TMEM217: variants seen among roughly 807,000 people sequenced by gnomAD.
TMEM217 encodes the protein transmembrane protein 217.
For synonymous variants in TMEM217, 76 were observed against 88.3 expected, an observed-to-expected ratio of 0.86 and a Z score of 0.78; for missense variants, 204 against 248.8, an observed-to-expected ratio of 0.82 and a Z score of 1.21.
At chr6:37,255,406 G>A (rs143351000) in intron 1 of TMEM217, among the ~76,000 whole-genome samples, 2,376 of 152,226 alleles carry the variant, frequency 0.016, 50 homozygotes, top group Middle Eastern at 0.044. Flanking sequence ...TCTGGGCAGG[G>A]TGCGATGGCT....
chr6:37,239,689 G>T (rs1764667601), intron 1 of TMEM217, among the ~76,000 whole-genome samples: 1 of 151,992 alleles, frequency 6.6e-6, no homozygotes, highest in Non-Finnish European at 1.5e-5. Flanking sequence ...GATCTCAGTA[G>T]AATATGTTGC....
intron 1 of TMEM217, among the ~76,000 whole-genome samples, chr6:37,232,104 G>C (rs398739): frequency 6.6e-6 from 1 of 151,876 alleles, no homozygotes; most frequent in Non-Finnish European, 1.5e-5. Flanking sequence ...CTTTTGTTGG[G>C]GGGGAGAGAG....
intron 1 of TMEM217, among the ~76,000 whole-genome samples, chr6:37,227,882 T>G (rs1763936024): frequency 6.6e-6 from 1 of 152,024 alleles, no homozygotes. Flanking sequence ...TATCTTGAGA[T>G]ATATATATAG....
At chr6:37,215,410 A>G, downstream of TMEM217, 1 of 1,160,582 alleles carries the variant, frequency 8.6e-7, no homozygotes, top group South Asian at 1.6e-5. Flanking sequence ...CCCCATCTCT[A>G]CTAAAGATAC....
downstream of TMEM217, among the ~76,000 whole-genome samples, chr6:37,216,150 C>T (rs139336678): frequency 4.8e-3 from 733 of 152,178 alleles, 7 homozygotes; most frequent in African/African-American, 0.016. Context: ...GCAATTATGG[C>T]TCACTGCAAC....
chr6:37,238,371 T>C (rs972878964), intron 1 of TMEM217, among the ~76,000 whole-genome samples: 5 of 152,190 alleles, frequency 3.3e-5, no homozygotes, highest in Non-Finnish European at 7.3e-5. Context: ...AAACTACTAT[T>C]TATTAAGCTG....
intron 1 of TMEM217, among the ~76,000 whole-genome samples, chr6:37,234,763 G>T (rs550888829): frequency 7.9e-5 from 12 of 151,988 alleles, no homozygotes; most frequent in African/African-American, 2.9e-4. Flanking sequence ...ATAAATATCG[G>T]TATACACATG....
At chr6:37,220,858 A>C (rs937133799) in intron 1 of TMEM217, among the ~76,000 whole-genome samples, 3 of 151,882 alleles carry the variant, frequency 2.0e-5, no homozygotes, top group African/African-American at 4.8e-5. Context: ...TCATCAAACA[A>C]CTATGATTAC....
chr6:37,228,483 C>T (rs1226212619), intron 1 of TMEM217, among the ~76,000 whole-genome samples: 1 of 152,234 alleles, frequency 6.6e-6, no homozygotes, highest in African/African-American at 2.4e-5. Flanking sequence ...GTGGGTGGAT[C>T]ACCTGAAGTC....
At chr6:37,218,316 G>C in exon 2 of TMEM217, 5 of 1,158,670 alleles carry the variant, frequency 4.3e-6, no homozygotes, top group Non-Finnish European at 5.9e-6. Flanking sequence ...TTACAGGTGT[G>C]TGCCGCCACG....
intron 1 of TMEM217, among the ~76,000 whole-genome samples, chr6:37,229,490 C>T (rs1186532673): frequency 2.6e-5 from 4 of 151,736 alleles, no homozygotes. Flanking sequence ...CTACAGGCGC[C>T]CGCCACCACG....
At chr6:37,237,896 GATA>G (rs1206970393) in intron 1 of TMEM217, among the ~76,000 whole-genome samples, 1 of 152,124 alleles carries the variant, frequency 6.6e-6, no homozygotes, top group African/African-American at 2.4e-5. Flanking sequence ...CAAAGTGAAG[GATA>G]ATGAGCTCAG....
chr6:37,226,366 C>G (rs1259255133), intron 1 of TMEM217, among the ~76,000 whole-genome samples: 1 of 135,226 alleles, frequency 7.4e-6, no homozygotes, highest in East Asian at 2.4e-4. Flanking sequence ...TATCTTGGCT[C>G]ACTGCAAGCT....
At chr6:37,245,719 CAGGAGGAGGACGAGG>C (rs1239717011) in intron 1 of TMEM217, among the ~76,000 whole-genome samples, 12 of 151,770 alleles carry the variant, frequency 7.9e-5, no homozygotes, top group East Asian at 1.9e-4. Context: ...GGAGGAAGAG[CAGGAGGAGGACGAGG>C]AGGAGGAGGA....
intron 1 of TMEM217, among the ~76,000 whole-genome samples, chr6:37,231,333 G>C (rs1764196152): frequency 1.4e-5 from 2 of 144,700 alleles, no homozygotes; most frequent in East Asian, 4.2e-4. Flanking sequence ...GCCTCCCAAA[G>C]TGCTGGGATT....
chr6:37,249,454 G>T (rs1209997135), intron 1 of TMEM217, among the ~76,000 whole-genome samples: 1 of 152,022 alleles, frequency 6.6e-6, no homozygotes, highest in Non-Finnish European at 1.5e-5. Context: ...CAAGTAGCTG[G>T]GACTATAGAC....
intron 1 of TMEM217, among the ~76,000 whole-genome samples, chr6:37,246,844 A>T (rs1389844378): frequency 6.6e-6 from 1 of 151,724 alleles, no homozygotes; most frequent in South Asian, 2.1e-4. Flanking sequence ...TCAAGGCCGC[A>T]GTGAGCCATG....
Position 37,218,985 on chromosome 6 carries a change from C to T in TMEM217, c.46G>A (p.Val16Met), listed in dbSNP as rs761307379. ...ATGATGGTGAAGACCCCTGACAACA[C>T]GGTGCCCATTTTGGCAGTCATCCCA... Residue 16 changes from valine to methionine, a missense_variant, in exon 2 of 2, where the codon GTG (valine) becomes ATG (methionine). Coordinates refer to ENST00000357219, the Ensembl canonical transcript of TMEM217. The T allele has an allele frequency of 4.1e-5, 66 of 1,614,054 alleles. No homozygotes were observed. In the South Asian group the frequency reaches 5.9e-4, roughly 14 times the overall value.
intron 1 of TMEM217, among the ~76,000 whole-genome samples, chr6:37,245,686 GAGGAGGAGC>G (rs1765022349): frequency 6.6e-6 from 1 of 152,192 alleles, no homozygotes; most frequent in South Asian, 2.1e-4. Flanking sequence ...CAATAAGGAA[GAGGAGGAGC>G]AGGAGGAGGA....
Sources: allele counts gnomAD v4.1 joint callset (sites outside exome capture counted in the v4.1 genomes callset), GRCh38; gene constraint gnomAD v4.1.1; transcripts MANE v1.5; gene names NCBI Gene and HGNC (gene_info 2026-07-23, HGNC 2026-07-21).